The following ICE2 variants were observed in gnomAD, a reference collection of about 807,000 sequenced individuals.
ICE2 encodes interactor of little elongation complex ELL subunit 2.
In ICE2, 87 loss-of-function variants were observed where a neutral mutation model predicts 105.4. The ratio of observed to expected loss-of-function variants is 0.83; its 90% confidence interval spans 0.69 to 0.99. The LOEUF is 0.99. Ranked by LOEUF, ICE2 falls within the 50% of genes least tolerant of loss-of-function variation. The pLI, the probability that ICE2 is intolerant of heterozygous loss-of-function variation, is 0.00. For missense variants in ICE2, 1,323 were observed against 1,146.7 expected, an observed-to-expected ratio of 1.15 and a Z score of -2.22; for synonymous variants, 399 against 392.0, an observed-to-expected ratio of 1.02 and a Z score of -0.21.
chr15:60,429,088 C>T (rs781502205), intron 14 of ICE2, among the ~76,000 whole-genome samples: 4 of 151,968 alleles, frequency 2.6e-5, no homozygotes, highest in Non-Finnish European at 5.9e-5. Context: ...AGATAGATGA[C>T]TAGATACAAA....
chr15:60,443,385 T>C (rs189812536), intron 11 of ICE2, among the ~76,000 whole-genome samples: 2 of 152,382 alleles, frequency 1.3e-5, no homozygotes, highest in Admixed American at 6.5e-5. Flanking sequence ...ATTTACAGAT[T>C]TGAAAATATT....
intron 5 of ICE2, among the ~76,000 whole-genome samples, chr15:60,458,327 C>T (rs2064182622): frequency 6.6e-6 from 1 of 152,028 alleles, no homozygotes; most frequent in African/African-American, 2.4e-5. Context: ...CTCAAAATAT[C>T]TTGAGAATTA....
chr15:60,430,081 G>A (rs2063423099), intron 14 of ICE2, among the ~76,000 whole-genome samples: 1 of 152,134 alleles, frequency 6.6e-6, no homozygotes, highest in African/African-American at 2.4e-5. Flanking sequence ...CATGGCCAAA[G>A]GGAATTAAGG....
Position 60,468,290 on chromosome 15 carries a change from C to G in ICE2, c.179G>C (p.Ser60Thr). 6.2e-7 allele frequency: 1 copy of G among 1,608,824 alleles called. No homozygotes were observed. Among genetic ancestry groups the G allele is most frequent in the Non-Finnish European group, 8.5e-7 (1 of 1,175,836 alleles). ...RIGENLNASA[S>T]SVENEPAVSS... Reference sequence around the variant, plus strand: ...AACTGCCGGCTCATTTTCTACAGAACTTGCTGAGGCATTCAAATTTTCTCC... The same window carrying G: ...AACTGCCGGCTCATTTTCTACAGAAGTTGCTGAGGCATTCAAATTTTCTCC... Residue 60 changes from serine to threonine, a missense_variant, in exon 4 of 16, where the codon AGT becomes ACT. Coordinates refer to ENST00000261520, the MANE Select transcript of ICE2 (RefSeq NM_024611.6).
intron 9 of ICE2, chr15:60,451,049 A>C (rs1210647171): frequency 2.2e-6 from 1 of 456,618 alleles, no homozygotes; most frequent in East Asian, 1.5e-4. Flanking sequence ...TTATATAGAA[A>C]AGGGAGAAAT....
At chr15:60,453,229 C>G in intron 9 of ICE2, 3 of 1,006,790 alleles carry the variant, frequency 3.0e-6, no homozygotes, top group Non-Finnish European at 3.6e-6. Flanking sequence ...GAGGTTCCAT[C>G]TCAAAAAAAT....
At chr15:60,465,566 G>A (rs1891026536) in intron 5 of ICE2, among the ~76,000 whole-genome samples, 2 of 151,912 alleles carry the variant, frequency 1.3e-5, no homozygotes, top group Non-Finnish European at 2.9e-5. Flanking sequence ...TTAAGCTACG[G>A]TAAAATTTAC....
chr15:60,438,362 T>C (rs1374450640), intron 12 of ICE2: 1 of 152,240 alleles, frequency 6.6e-6, no homozygotes, highest in Non-Finnish European at 1.5e-5. Flanking sequence ...TTCATTTTCT[T>C]ACCAAGCCCC....
At chr15:60,437,157 A>C (rs1232977727) in intron 12 of ICE2, among the ~76,000 whole-genome samples, 1 of 151,862 alleles carries the variant, frequency 6.6e-6, no homozygotes, top group Non-Finnish European at 1.5e-5. Context: ...TGGGAGGCTG[A>C]GGCAGGATAA....
chr15:60,454,184 T>G (rs928257667), intron 8 of ICE2, among the ~76,000 whole-genome samples: 2 of 152,328 alleles, frequency 1.3e-5, no homozygotes, highest in African/African-American at 4.8e-5. Flanking sequence ...ATTTATGCTG[T>G]GACATATATT....
intron 5 of ICE2, among the ~76,000 whole-genome samples, chr15:60,462,615 AT>A (rs2064310355): frequency 6.6e-6 from 1 of 152,192 alleles, no homozygotes; most frequent in South Asian, 2.1e-4. Flanking sequence ...AAGTTTTTGT[AT>A]TTGGAATATA....
In ICE2 at chr15:60,434,621, T is replaced by C. The variant is rs2063542822; in HGVS notation, c.2510+1522A>G. 4.6e-5 allele frequency among the ~76,000 whole-genome samples: 7 copies of C among 152,042 alleles called. No individual in the cohort carries two copies. In the South Asian group the frequency reaches 1.5e-3, roughly 32 times the overall value. ...GAAATTCTGTTATTTGCATCGTGGA[T>C]AGAACTGGAAGTCATTATGTTAAAT... On this transcript the variant is annotated intron_variant, in intron 13 of 15. Coordinates refer to ENST00000261520, the MANE Select transcript of ICE2 (RefSeq NM_024611.6).
At chr15:60,442,743 G>T in intron 11 of ICE2, 198 bp from the exon 12 acceptor site, 2 of 433,548 alleles carry the variant, frequency 4.6e-6, no homozygotes, top group Non-Finnish European at 8.1e-6. Flanking sequence ...CCAAAAGGTG[G>T]ATGGATGAAA....
At chr15:60,468,036 T>A (rs777316856) in intron 4 of ICE2, 25 bp downstream of exon 4, 29 of 1,484,412 alleles carry the variant, frequency 2.0e-5, no homozygotes, top group Non-Finnish European at 2.5e-5. Context: ...TATTTTTTCC[T>A]GAAACTGAAG....
chr15:60,468,198 T>C lies in ICE2; in HGVS notation c.271A>G (p.Arg91Gly). 6.2e-7 allele frequency: 1 copy of C among 1,614,090 alleles called. No individual in the cohort carries two copies. The highest frequency in any genetic ancestry group is 1.3e-5 in the African/African-American group (1 of 75,060). Residue 91 changes from arginine to glycine, a missense_variant, in exon 4 of 16, where the codon AGA (arginine) becomes GGA (glycine). Arg to Gly is a moderately radical substitution (Grantham distance 125). Transcript: ENST00000261520. ...TIGMVLLPKP[R>G]VPYPRFSRFS... ...CGAGAGAAACGAGGATAAGGAACTC[T>C]TGGTTTTGGAAGAAGAACCATTCCA...
chr15:60,457,610 G>C (rs1307017770), intron 5 of ICE2, among the ~76,000 whole-genome samples: 1 of 152,080 alleles, frequency 6.6e-6, no homozygotes, highest in Non-Finnish European at 1.5e-5. Context: ...TTTGTAAAAT[G>C]TGTCACGTTA....
At chr15:60,452,628 C>T (rs1450593330) in intron 9 of ICE2, 1 of 157,244 alleles carries the variant, frequency 6.4e-6, no homozygotes, top group Non-Finnish European at 1.4e-5. Context: ...ATCAAGTTCT[C>T]TATAAACAAT....
At chr15:60,460,888 A>G (rs1050527221) in intron 5 of ICE2, among the ~76,000 whole-genome samples, 10 of 152,214 alleles carry the variant, frequency 6.6e-5, no homozygotes, top group African/African-American at 2.4e-4. Flanking sequence ...ACTTATTTTC[A>G]TGTATAAGTT....
rs2063803747 is a variant in ICE2, at chr15:60,445,531, A to C, written c.2295+2439T>G. 6 of 948,246 alleles carry C rather than the reference A, an allele frequency of 6.3e-6. No homozygotes were observed. In the South Asian group the frequency reaches 2.4e-4, roughly 39 times the overall value. 58.7% of individuals were successfully genotyped at this position (948,246 alleles called of 1,614,324 possible). On this transcript the variant is annotated intron_variant, in intron 11 of 15. Coordinates refer to ENST00000261520, the MANE Select transcript of ICE2 (RefSeq NM_024611.6). ...CATTCACTGAAAATTTTAAAATTTT[A>C]TTCTGAGTTTGACACAATCAGAAAT...
Sources: allele counts gnomAD v4.1 joint callset (sites outside exome capture counted in the v4.1 genomes callset), GRCh38; gene constraint gnomAD v4.1.1; transcripts MANE v1.5; gene names NCBI Gene and HGNC (gene_info 2026-07-23, HGNC 2026-07-21).